The following TBC1D22A variants were observed in gnomAD, a reference collection of about 807,000 sequenced individuals.
TBC1D22A encodes putative GTPase activator.
In TBC1D22A, 38 loss-of-function variants were observed where a neutral mutation model predicts 60.2. That is an observed-to-expected ratio of 0.63 (90% CI 0.49 to 0.83). The LOEUF is 0.83. Ranked by LOEUF, TBC1D22A falls within the 40% of genes least tolerant of loss-of-function variation. TBC1D22A has a pLI of 0.00. For missense variants in TBC1D22A, 628 were observed against 701.0 expected, an observed-to-expected ratio of 0.90 and a Z score of 1.18; for synonymous variants, 302 against 281.7, an observed-to-expected ratio of 1.07 and a Z score of -0.72.
intron 10 of TBC1D22A, among the ~76,000 whole-genome samples, chr22:47,005,451 G>A (rs982409954): frequency 4.0e-5 from 6 of 150,142 alleles, no homozygotes; most frequent in African/African-American, 1.5e-4. Flanking sequence ...ATACACACAT[G>A]CCTATACACC....
At chr22:46,923,518 C>G (rs1733991892) in intron 8 of TBC1D22A, among the ~76,000 whole-genome samples, 1 of 152,240 alleles carries the variant, frequency 6.6e-6, no homozygotes, top group African/African-American at 2.4e-5. Context: ...GTCGCAGTGT[C>G]TAGGTCTGGG....
At chr22:46,913,729 G>A in intron 8 of TBC1D22A, 1 of 985,404 alleles carries the variant, frequency 1.0e-6, no homozygotes, top group Non-Finnish European at 1.2e-6. Context: ...TGTGATTAGA[G>A]AATTGATATT....
At chr22:47,144,248 C>T (rs2067212045) in intron 12 of TBC1D22A, among the ~76,000 whole-genome samples, 1 of 152,218 alleles carries the variant, frequency 6.6e-6, no homozygotes, top group Non-Finnish European at 1.5e-5. Context: ...CTGCCAAGAC[C>T]TGTGAGGACC....
At chr22:46,850,565 T>C (rs9627595) in intron 4 of TBC1D22A, among the ~76,000 whole-genome samples, 19,066 of 152,234 alleles carry the variant, frequency 0.13, 1,384 homozygotes, top group African/African-American at 0.18. Context: ...AGAACTCTTA[T>C]ACGCTGCTGG....
At chr22:46,890,287 G>A (rs184629769) in intron 5 of TBC1D22A, among the ~76,000 whole-genome samples, 10 of 152,154 alleles carry the variant, frequency 6.6e-5, no homozygotes, top group East Asian at 3.9e-4. Context: ...GCAGTGACCC[G>A]AGATCATGCC....
chr22:46,940,504 C>T (rs975129324), intron 8 of TBC1D22A, among the ~76,000 whole-genome samples: 2 of 141,816 alleles, frequency 1.4e-5, no homozygotes, highest in Non-Finnish European at 3.0e-5. Context: ...ACACAGTCTA[C>T]CCTTGAACAG....
At chr22:47,010,854 G>T (rs2061731931) in intron 10 of TBC1D22A, among the ~76,000 whole-genome samples, 2 of 152,148 alleles carry the variant, frequency 1.3e-5, no homozygotes. Flanking sequence ...CAAAGAAATA[G>T]AAGTTTCATG....
intron 11 of TBC1D22A, among the ~76,000 whole-genome samples, chr22:47,055,860 G>A (rs1379770923): frequency 6.6e-6 from 1 of 152,034 alleles, no homozygotes; most frequent in East Asian, 1.9e-4. Context: ...AGTGAGATAC[G>A]CCACGGAGGG....
At chr22:46,822,897 A>C (rs1364908325) in intron 4 of TBC1D22A, among the ~76,000 whole-genome samples, 1 of 152,060 alleles carries the variant, frequency 6.6e-6, no homozygotes, top group African/African-American at 2.4e-5. Context: ...GATCTAGGTG[A>C]GCTCCAGTAT....
chr22:46,770,241 C>G (rs1166973832), intron 1 of TBC1D22A, among the ~76,000 whole-genome samples: 1 of 152,178 alleles, frequency 6.6e-6, no homozygotes, highest in Non-Finnish European at 1.5e-5. Flanking sequence ...TGCGAAAGGC[C>G]TTCTGCAGAT....
chr22:47,018,737 C>T (rs950468444), intron 10 of TBC1D22A, among the ~76,000 whole-genome samples: 2 of 152,216 alleles, frequency 1.3e-5, no homozygotes, highest in African/African-American at 4.8e-5. Context: ...CGGTCGTCAT[C>T]GCCATGAGGA....
chr22:46,770,763 G>C (rs2083454149), intron 1 of TBC1D22A, among the ~76,000 whole-genome samples: 1 of 151,884 alleles, frequency 6.6e-6, no homozygotes, highest in Non-Finnish European at 1.5e-5. Context: ...TTGCTTTCTT[G>C]TGTTTTTTAT....
chr22:47,149,357 A>G (rs1039133897), intron 12 of TBC1D22A, among the ~76,000 whole-genome samples: 4 of 152,228 alleles, frequency 2.6e-5, no homozygotes, highest in Non-Finnish European at 5.9e-5. Flanking sequence ...AACCTTCTAA[A>G]AATAGGAGCT....
At chr22:46,964,307 G>A (rs2073691420) in intron 8 of TBC1D22A, among the ~76,000 whole-genome samples, 1 of 152,184 alleles carries the variant, frequency 6.6e-6, no homozygotes, top group South Asian at 2.1e-4. Flanking sequence ...CTGCAGTCAT[G>A]CCTTTTGAGT....
intron 8 of TBC1D22A, among the ~76,000 whole-genome samples, chr22:46,917,485 C>T (rs1185562410): frequency 6.6e-6 from 1 of 152,152 alleles, no homozygotes; most frequent in Non-Finnish European, 1.5e-5. Flanking sequence ...AGGAAAAATC[C>T]AGTCACCTCC....
At chr22:46,909,169 A>T (rs569762113) in intron 7 of TBC1D22A, among the ~76,000 whole-genome samples, 1 of 152,272 alleles carries the variant, frequency 6.6e-6, no homozygotes, top group Non-Finnish European at 1.5e-5. Flanking sequence ...TTATGAGTAG[A>T]TATAGCCTTG....
intron 12 of TBC1D22A, among the ~76,000 whole-genome samples, chr22:47,169,480 C>T (rs1467068831): frequency 1.3e-5 from 2 of 152,162 alleles, no homozygotes; most frequent in Non-Finnish European, 2.9e-5. Flanking sequence ...TGCTGATGGA[C>T]ATGTGGTCAG....
intron 11 of TBC1D22A, among the ~76,000 whole-genome samples, chr22:47,037,751 C>T (rs1253301333): frequency 2.6e-5 from 4 of 152,318 alleles, no homozygotes; most frequent in South Asian, 2.1e-4. Flanking sequence ...ATTCTGCCTG[C>T]GTGGTGACAG....
chr22:46,912,278 T>G (rs2069986406), intron 8 of TBC1D22A, 90 bp downstream of exon 8: 1 of 937,984 alleles, frequency 1.1e-6, no homozygotes. Flanking sequence ...AAATTGCTAC[T>G]AAGTGTAATG....
Sources: allele counts gnomAD v4.1 joint callset (sites outside exome capture counted in the v4.1 genomes callset), GRCh38; gene constraint gnomAD v4.1.1; transcripts MANE v1.5; gene names NCBI Gene and HGNC (gene_info 2026-07-23, HGNC 2026-07-21).